The following SEMA6A variants were observed in gnomAD, a reference collection of about 807,000 sequenced individuals.
The protein encoded by SEMA6A is semaphorin 6A.
In SEMA6A, 25 loss-of-function variants were observed where a neutral mutation model predicts 96.8. The ratio of observed to expected loss-of-function variants is 0.26; its 90% CI spans 0.19 to 0.36. The LOEUF (loss-of-function observed/expected upper bound fraction) is 0.36. Ranked by LOEUF, SEMA6A falls within the 10% of genes least tolerant of loss-of-function variation. The pLI, the probability that SEMA6A is intolerant of heterozygous loss-of-function variation, is 1.00. For missense variants in SEMA6A, 1,363 were observed against 1,323.1 expected, an observed-to-expected ratio of 1.03 and a Z score of -0.47; for synonymous variants, 612 against 518.0, an observed-to-expected ratio of 1.18 and a Z score of -2.46.
chr5:116,552,033 G>C (rs548410005), intron 1 of SEMA6A, among the ~76,000 whole-genome samples: 1 of 152,224 alleles, frequency 6.6e-6, no homozygotes, highest in East Asian at 1.9e-4. Flanking sequence ...TGAAGAAATG[G>C]TGACAAAGGA....
intron 9 of SEMA6A, 126 bp from the exon 10 acceptor site, chr5:116,487,092 T>TAA: frequency 4.1e-6 from 2 of 490,692 alleles, no homozygotes. Context: ...CTAAAATCAG[T>TAA]AACAAAAAAA....
Position 116,488,199 on chromosome 5 carries a change from G to C in SEMA6A, c.656-3C>G. ...CACGGCTTGAACAAAGTATGGTTCT[G>C]TAGACAAACAGGCACTTTAATTGGG... On this transcript the variant is annotated splice_polypyrimidine_tract_variant and splice_region_variant and intron_variant, in intron 8 of 18. Transcript: ENST00000343348. 2 of 1,598,292 alleles carry C rather than the reference G, an allele frequency of 1.3e-6. No individual in the cohort carries two copies. Among genetic ancestry groups the C allele is most frequent in the Non-Finnish European group, 1.7e-6 (2 of 1,168,740 alleles).
At chr5:116,532,920 C>T (rs1357749507) in intron 1 of SEMA6A, among the ~76,000 whole-genome samples, 1 of 152,176 alleles carries the variant, frequency 6.6e-6, no homozygotes, top group Non-Finnish European at 1.5e-5. Context: ...GGGACACAGA[C>T]AGAGATGACA....
rs1360154814 is a variant in SEMA6A, at chr5:116,447,223, T to C, written c.2483A>G (p.Glu828Gly). Residue 828 changes from glutamate (E) to glycine (G), a missense_variant, in exon 19 of 19, where the codon GAG becomes GGG. Physicochemically the swap from Glu to Gly is moderately conservative, Grantham distance 98. This residue lies in a region of SEMA6A where 883 missense variants were observed against 763.6 expected (regional missense o/e 1.16). Transcript: ENST00000343348. ...GCTCATTTTGGGCTGGTCCACGTAC[T>C]CATGCTGGTAGCCCTGCTGCGTGAT... Reference protein sequence around the residue: ...LPITQQGYQHEYVDQPKMSEV... With the variant: ...LPITQQGYQHGYVDQPKMSEV... 1 of 1,614,054 alleles carries C rather than the reference T, an allele frequency of 6.2e-7. No homozygotes were observed. The highest frequency in any genetic ancestry group is 1.7e-5 in the Admixed American group (1 of 60,030).
intron 1 of SEMA6A, among the ~76,000 whole-genome samples, chr5:116,570,785 T>G (rs1400068944): frequency 2.0e-5 from 3 of 152,246 alleles, no homozygotes; most frequent in African/African-American, 4.8e-5. Context: ...GTATTTTTCC[T>G]TCCATTTCAT....
intron 1 of SEMA6A, among the ~76,000 whole-genome samples, chr5:116,567,169 G>GT (rs1298720752): frequency 6.6e-6 from 1 of 152,162 alleles, no homozygotes; most frequent in African/African-American, 2.4e-5. Context: ...ATATATAGTG[G>GT]TTTTTTCCTT....
At chr5:116,506,630 C>T (rs1758157095) in intron 1 of SEMA6A, among the ~76,000 whole-genome samples, 1 of 144,308 alleles carries the variant, frequency 6.9e-6, no homozygotes, top group African/African-American at 2.6e-5. Context: ...AAAAGTAAAA[C>T]ATAAACAAGA....
intron 16 of SEMA6A, 89 bp from the exon 17 acceptor site, chr5:116,473,182 C>T: frequency 3.0e-6 from 4 of 1,314,084 alleles, no homozygotes; most frequent in Non-Finnish European, 4.3e-6. Flanking sequence ...TAACACAGAA[C>T]TATGCCAGCG....
At chr5:116,545,247 T>C (rs1178327814) in intron 1 of SEMA6A, among the ~76,000 whole-genome samples, 1 of 152,142 alleles carries the variant, frequency 6.6e-6, no homozygotes, top group Admixed American at 6.6e-5. Flanking sequence ...CAGGACACAG[T>C]AGCAGGGACA....
In SEMA6A at chr5:116,495,625, A is replaced by G. The variant is rs547405199; in HGVS notation, c.343-111T>C. 5.0e-5 allele frequency: 35 copies of G among 701,126 alleles called. 1 individual carries two copies. In the African/African-American group the frequency reaches 6.1e-4, roughly 12 times the overall value. 43.4% of individuals were successfully genotyped at this position (701,126 alleles called of 1,614,324 possible). On this transcript the variant is annotated intron_variant, in intron 5 of 18. Transcript: ENST00000343348. ...AAGGTTAAAGTGGAGGTGGCTGAGG[A>G]CTTCTCCCATTAAAAGTTCAAGTTC...
In SEMA6A at chr5:116,574,578, C is replaced by T. The variant is rs568843892; in HGVS notation, c.-432G>A. 7.2e-6 allele frequency: 1 copy of T among 138,956 alleles called. No homozygotes were observed. Among genetic ancestry groups the T allele is most frequent in the African/African-American group, 2.8e-5 (1 of 36,232 alleles). 8.6% of individuals were successfully genotyped at this position (138,956 alleles called of 1,614,324 possible). On this transcript the variant is annotated 5_prime_UTR_variant, in exon 1 of 19. An upstream start codon of the reference 5' UTR is lost. Coordinates refer to ENST00000343348, the MANE Select transcript of SEMA6A (RefSeq NM_020796.5). Reference sequence around the variant, plus strand: ...GTGGTGTCTGCGCCGATTAACAAGTCATTTCAGGGCGGGGGGCGGGGTGGG... The same window carrying T: ...GTGGTGTCTGCGCCGATTAACAAGTTATTTCAGGGCGGGGGGCGGGGTGGG...
intron 18 of SEMA6A, among the ~76,000 whole-genome samples, chr5:116,458,830 C>A (rs1431457815): frequency 6.6e-6 from 1 of 152,072 alleles, no homozygotes; most frequent in Non-Finnish European, 1.5e-5. Context: ...ATCAAATCTA[C>A]ATCTATGCCC....
At chr5:116,528,395 A>T (rs933009516) in intron 1 of SEMA6A, among the ~76,000 whole-genome samples, 8 of 152,132 alleles carry the variant, frequency 5.3e-5, no homozygotes, top group African/African-American at 1.9e-4. Context: ...CCCCATCCTC[A>T]TTCGCCTTTA....
At chr5:116,540,727 G>C (rs1759926001) in intron 1 of SEMA6A, among the ~76,000 whole-genome samples, 1 of 152,110 alleles carries the variant, frequency 6.6e-6, no homozygotes, top group African/African-American at 2.4e-5. Flanking sequence ...GAGAGAGAGA[G>C]GGAAAAAAAC....
intron 1 of SEMA6A, among the ~76,000 whole-genome samples, chr5:116,559,755 C>G (rs901615339): frequency 1.8e-4 from 28 of 152,124 alleles, no homozygotes; most frequent in Admixed American, 1.8e-3. Context: ...AGAGGTGATA[C>G]CTTGGAACCA....
chr5:116,495,291 T>G (rs1580435215), intron 6 of SEMA6A, 122 bp downstream of exon 6: 1 of 721,544 alleles, frequency 1.4e-6, no homozygotes. Flanking sequence ...TACATTAAGT[T>G]GAACAAGTGA....
chr5:116,517,762 C>T (rs371020282), intron 1 of SEMA6A, among the ~76,000 whole-genome samples: 4 of 152,324 alleles, frequency 2.6e-5, no homozygotes, highest in East Asian at 3.9e-4. Flanking sequence ...CCTCCCCAGG[C>T]TCAGCAACCC....
At chr5:116,518,499 G>C (rs547567921) in intron 1 of SEMA6A, among the ~76,000 whole-genome samples, 3 of 152,292 alleles carry the variant, frequency 2.0e-5, no homozygotes, top group Admixed American at 6.5e-5. Context: ...GAATAAGGAG[G>C]AAAAGTGAAA....
intron 1 of SEMA6A, among the ~76,000 whole-genome samples, chr5:116,507,607 C>T (rs1758206990): frequency 6.6e-6 from 1 of 152,210 alleles, no homozygotes; most frequent in Non-Finnish European, 1.5e-5. Context: ...GTGCTACCCA[C>T]ATGTAGCATA....
Sources: gnomAD v4.1 joint callset for allele counts (sites outside exome capture counted in the v4.1 genomes callset) on GRCh38, gnomAD v4.1.1 for gene constraint, gnomAD v4.1.1 regional missense constraint, MANE v1.5 for transcripts, NCBI Gene and HGNC (gene_info 2026-07-23, HGNC 2026-07-21) for gene names.